Variants in GALK2 observed in about 807,000 individuals in gnomAD.
GALK2 encodes the protein galactokinase 2, also known as N-acetylgalactosamine kinase.
A neutral mutation model predicts 52.4 loss-of-function variants in GALK2; 36 were observed. The observed-to-expected ratio is 0.69, with a 90% CI of 0.53 to 0.91. GALK2 has a LOEUF of 0.91. GALK2 is among the 40% of genes least tolerant of loss of function. The pLI is 0.00. For missense variants in GALK2, 579 were observed against 559.1 expected (o/e 1.04, Z -0.36); for synonymous variants, 176 against 199.1 (o/e 0.88, Z 0.98).
At chr15:49,182,711 C>T (rs566679295) in intron 1 of GALK2, among the ~76,000 whole-genome samples, 10 of 152,110 alleles carry the variant, frequency 6.6e-5, no homozygotes, top group Non-Finnish European at 1.5e-4. Flanking sequence ...TATCTTATTG[C>T]AGTTTTAATT....
intron 3 of GALK2, chr15:49,365,543 C>T: frequency 1.2e-6 from 1 of 866,152 alleles, no homozygotes; most frequent in South Asian, 1.3e-5. Context: ...GGCAATGTTT[C>T]AGTATTTTCA....
intron 5 of GALK2, among the ~76,000 whole-genome samples, chr15:49,259,771 T>C (rs1238961172): frequency 7.8e-6 from 1 of 127,442 alleles, no homozygotes; most frequent in Non-Finnish European, 1.6e-5. Context: ...GATGTTCCCC[T>C]TCCTGTGTCC....
intron 5 of GALK2, among the ~76,000 whole-genome samples, chr15:49,262,067 A>G (rs928426192): frequency 1.8e-4 from 27 of 152,134 alleles, no homozygotes; most frequent in Non-Finnish European, 3.5e-4. Context: ...TGACATCAGG[A>G]TGATGCTGGC....
intron 3 of GALK2, among the ~76,000 whole-genome samples, chr15:49,232,296 G>A (rs977994291): frequency 4.6e-5 from 7 of 152,284 alleles, no homozygotes; most frequent in African/African-American, 1.7e-4. Context: ...AGCCACCCCT[G>A]GAGGCAGAGG....
chr15:49,338,062 G>A (rs893046550), intron 3 of GALK2, among the ~76,000 whole-genome samples: 1 of 152,118 alleles, frequency 6.6e-6, no homozygotes, highest in Admixed American at 6.5e-5. Flanking sequence ...TCATTCTAGA[G>A]CCTTGAGGAA....
intron 8 of GALK2, among the ~76,000 whole-genome samples, chr15:49,312,930 A>G (rs2036112764): frequency 6.6e-6 from 1 of 152,232 alleles, no homozygotes; most frequent in Non-Finnish European, 1.5e-5. Flanking sequence ...TTATGGCATG[A>G]TGACCCACTC....
At chr15:49,352,191 T>A (rs1328242734) in intron 3 of GALK2, among the ~76,000 whole-genome samples, 4 of 152,180 alleles carry the variant, frequency 2.6e-5, no homozygotes, top group African/African-American at 9.7e-5. Context: ...AGAGCAAGCA[T>A]CCCAAAAGCA....
At chr15:49,170,660 A>G (rs2085011789) in intron 1 of GALK2, 2 of 393,564 alleles carry the variant, frequency 5.1e-6, no homozygotes, top group Non-Finnish European at 9.3e-6. Flanking sequence ...ACTGGGCTTC[A>G]GCAGAAATGC....
At chr15:49,332,090 CACACACACACACA>C (rs2038890646), downstream of GALK2, among the ~76,000 whole-genome samples, 8 of 60,920 alleles carry the variant, frequency 1.3e-4, no homozygotes, top group African/African-American at 1.1e-3. Flanking sequence ...ACACGTGCCA[CACACACACACACA>C]CACACACACA....
At chr15:49,364,523 TTAATA>T (rs1406146753) in intron 3 of GALK2, among the ~76,000 whole-genome samples, 3 of 152,128 alleles carry the variant, frequency 2.0e-5, no homozygotes, top group Non-Finnish European at 2.9e-5. Context: ...AAAAATGTTC[TTAATA>T]TAATACACAT....
intron 9 of GALK2, 59 bp downstream of exon 9, chr15:49,319,864 G>A (rs906131343): frequency 5.3e-5 from 75 of 1,415,288 alleles, no homozygotes; most frequent in Admixed American, 1.3e-4. Context: ...TAAATTAATG[G>A]AAAAAAATGC....
At chr15:49,317,239 TAC>T (rs773320177) in intron 8 of GALK2, among the ~76,000 whole-genome samples, 9 of 152,058 alleles carry the variant, frequency 5.9e-5, no homozygotes, top group Non-Finnish European at 5.9e-5. Context: ...GTTAAGAAAT[TAC>T]AGACTTTTTG....
At chr15:49,189,781 C>A (rs2086598763) in intron 1 of GALK2, among the ~76,000 whole-genome samples, 1 of 152,012 alleles carries the variant, frequency 6.6e-6, no homozygotes, top group South Asian at 2.1e-4. Context: ...CTGGGCAGGG[C>A]AAAATGGGAC....
At chr15:49,299,735 T>TTTTCTTTCTTTCTTTCTTTCTTTCTTTC (rs869275324) in intron 8 of GALK2, among the ~76,000 whole-genome samples, 1 of 77,530 alleles carries the variant, frequency 1.3e-5, no homozygotes, top group Non-Finnish European at 2.6e-5. Context: ...TCTTTCTTTC[T>TTTTCTTTCTTTCTTTCTTTCTTTCTTTC]TTTCTTTCTT....
intron 5 of GALK2, among the ~76,000 whole-genome samples, chr15:49,265,135 A>G (rs180916426): frequency 6.6e-6 from 1 of 152,126 alleles, no homozygotes; most frequent in African/African-American, 2.4e-5. Context: ...AAGTCTGCAG[A>G]GGTTACTGCT....
At chr15:49,314,115 G>C (rs2036217639) in intron 8 of GALK2, among the ~76,000 whole-genome samples, 1 of 152,202 alleles carries the variant, frequency 6.6e-6, no homozygotes, top group African/African-American at 2.4e-5. Context: ...TGTGTGCCCT[G>C]ATTTAGATTC....
At chr15:49,354,899 G>A (rs980576843) in intron 3 of GALK2, among the ~76,000 whole-genome samples, 13 of 152,052 alleles carry the variant, frequency 8.5e-5, no homozygotes, top group Non-Finnish European at 1.5e-4. Flanking sequence ...ATCTGAGAAC[G>A]GGCAGACTGC....
chr15:49,353,822 T>G (rs1274802970), intron 3 of GALK2: 1 of 152,174 alleles, frequency 6.6e-6, no homozygotes, highest in Non-Finnish European at 1.5e-5. Flanking sequence ...TTTATCCTTT[T>G]AAAAATGTGA....
At position 49,348,617 on chromosome 15, in the gene GALK2, T is replaced by G. The variant is rs1013849796; in HGVS notation, c.427-18874T>G. ...TTTTTGTGGGGCAAATGCATGGTAA[T>G]AGAGTAGGTTTTGTTTACTTTCTCC... On this transcript the variant is annotated intron_variant, in intron 3 of 3. Coordinates refer to the GALK2 transcript ENST00000558399. 2.0e-5 allele frequency among the ~76,000 whole-genome samples: 3 copies of G among 152,152 alleles called. No homozygotes were observed. The South Asian group carries it at 6.2e-4, about 32-fold the overall frequency.
Sources: gnomAD v4.1 joint callset for allele counts (sites outside exome capture counted in the v4.1 genomes callset) on GRCh38, gnomAD v4.1.1 for gene constraint, MANE v1.5 for transcripts, NCBI Gene and HGNC (gene_info 2026-07-23, HGNC 2026-07-21) for gene names.